FGF12: variants seen among roughly 807,000 people sequenced by gnomAD.
FGF12 encodes the protein fibroblast growth factor 12.
FGF12 carries 14 observed loss-of-function variants against 23.6 expected under a neutral mutation model. That is an observed-to-expected ratio of 0.59 (90% CI 0.39 to 0.93). The LOEUF is 0.93. Ranked by LOEUF, FGF12 falls within the 40% of genes least tolerant of loss-of-function variation. The probability of loss-of-function intolerance (pLI) is 0.00; values close to 1 mark genes in which losing one functional copy is unlikely to be tolerated. For missense variants in FGF12, 175 were observed against 217.8 expected, an observed-to-expected ratio of 0.80 and a Z score of 1.24; for synonymous variants, 62 against 77.3, an observed-to-expected ratio of 0.80 and a Z score of 1.04.
At chr3:192,317,571 TAGAACACCAGCAAG>T (rs1716295731) in intron 4 of FGF12, among the ~76,000 whole-genome samples, 1 of 139,632 alleles carries the variant, frequency 7.2e-6, no homozygotes, top group African/African-American at 3.4e-5. Context: ...CACAGTAGAA[TAGAACACCAGCAAG>T]ATTCATAAGG....
intron 2 of FGF12, among the ~76,000 whole-genome samples, chr3:192,621,635 G>C (rs1282637035): frequency 7.1e-6 from 1 of 140,086 alleles, no homozygotes; most frequent in Non-Finnish European, 1.5e-5. Flanking sequence ...TTTTGTTTAG[G>C]GAAGTAGCAG....
chr3:192,713,963 A>G (rs1216362654), intron 2 of FGF12, among the ~76,000 whole-genome samples: 2 of 152,200 alleles, frequency 1.3e-5, no homozygotes, highest in Non-Finnish European at 2.9e-5. Context: ...ATTTCATTTA[A>G]ACAATTAAGC....
At chr3:192,289,790 G>C (rs1185898055) in intron 4 of FGF12, among the ~76,000 whole-genome samples, 1 of 152,180 alleles carries the variant, frequency 6.6e-6, no homozygotes, top group African/African-American at 2.4e-5. Context: ...ATAAATGCCA[G>C]TTCTCTCTTT....
intron 2 of FGF12, among the ~76,000 whole-genome samples, chr3:192,377,031 A>G (rs1719547913): frequency 6.6e-6 from 1 of 152,208 alleles, no homozygotes; most frequent in Non-Finnish European, 1.5e-5. Context: ...CTGGAATTCC[A>G]ACTTAACAAG....
At chr3:192,434,378 T>C (rs73195313) in intron 2 of FGF12, among the ~76,000 whole-genome samples, 11,394 of 152,250 alleles carry the variant, frequency 0.075, 475 homozygotes, top group African/African-American at 0.11. Flanking sequence ...GTTACATAAC[T>C]TCCCAGTCTC....
At chr3:192,531,238 G>A (rs958708987) in intron 2 of FGF12, among the ~76,000 whole-genome samples, 2 of 152,104 alleles carry the variant, frequency 1.3e-5, no homozygotes, top group African/African-American at 4.8e-5. Context: ...ACTCCACATT[G>A]TAGAGATTAT....
At chr3:192,421,773 A>G (rs1474888202) in intron 2 of FGF12, among the ~76,000 whole-genome samples, 1 of 152,062 alleles carries the variant, frequency 6.6e-6, no homozygotes, top group Non-Finnish European at 1.5e-5. Context: ...TACCTATGTA[A>G]CAAACCTGCA....
intron 2 of FGF12, among the ~76,000 whole-genome samples, chr3:192,636,008 C>G (rs1050019049): frequency 1.3e-5 from 2 of 152,194 alleles, no homozygotes; most frequent in African/African-American, 4.8e-5. Context: ...CCAATTGACA[C>G]TAGCTACCCG....
At chr3:192,531,973 C>T (rs1257246686) in intron 2 of FGF12, among the ~76,000 whole-genome samples, 3 of 152,140 alleles carry the variant, frequency 2.0e-5, no homozygotes, top group Non-Finnish European at 2.9e-5. Context: ...ATGTAGCTTG[C>T]TAGTTTTCCC....
intron 4 of FGF12, among the ~76,000 whole-genome samples, chr3:192,284,256 G>A (rs372477943): frequency 5.3e-5 from 8 of 152,042 alleles, no homozygotes; most frequent in African/African-American, 1.7e-4. Context: ...TGGAATATTC[G>A]CATTTTACCT....
At chr3:192,358,241 A>G (rs1718563468) in intron 3 of FGF12, among the ~76,000 whole-genome samples, 1 of 152,106 alleles carries the variant, frequency 6.6e-6, no homozygotes, top group African/African-American at 2.4e-5. Flanking sequence ...GGAAAACACA[A>G]CAAGAAGGTT....
chr3:192,722,707 A>T (rs918919566), intron 2 of FGF12, among the ~76,000 whole-genome samples: 1 of 152,188 alleles, frequency 6.6e-6, no homozygotes, highest in Non-Finnish European at 1.5e-5. Flanking sequence ...AACGCATATA[A>T]TTCGAATCCC....
At chr3:192,364,813 A>G (rs1235560201) in intron 2 of FGF12, among the ~76,000 whole-genome samples, 2 of 152,172 alleles carry the variant, frequency 1.3e-5, no homozygotes, top group Non-Finnish European at 2.9e-5. Flanking sequence ...TGGGCTTTGG[A>G]CTTCCTTCCA....
intron 4 of FGF12, among the ~76,000 whole-genome samples, chr3:192,215,303 A>C (rs1015754801): frequency 7.2e-5 from 11 of 152,174 alleles, no homozygotes; most frequent in African/African-American, 2.7e-4. Context: ...TTTCTGAGCC[A>C]ATGAAGAAGG....
chr3:192,338,243 C>T (rs780936504), intron 3 of FGF12, among the ~76,000 whole-genome samples: 5 of 152,076 alleles, frequency 3.3e-5, no homozygotes, highest in Non-Finnish European at 5.9e-5. Flanking sequence ...GCCACCACAA[C>T]CCAGCTAATT....
intron 4 of FGF12, among the ~76,000 whole-genome samples, chr3:192,260,022 G>A (rs951369929): frequency 6.6e-6 from 1 of 152,052 alleles, no homozygotes; most frequent in Admixed American, 6.6e-5. Context: ...CTTAGCCTAA[G>A]TTTATAATTT....
intron 2 of FGF12, among the ~76,000 whole-genome samples, chr3:192,703,482 T>A (rs1472466555): frequency 1.3e-5 from 2 of 152,194 alleles, no homozygotes; most frequent in Non-Finnish European, 2.9e-5. Context: ...TGCTGAAGAT[T>A]GGGATGGCTT....
At chr3:192,338,304 C>G (rs1456035723) in intron 3 of FGF12, among the ~76,000 whole-genome samples, 2 of 152,036 alleles carry the variant, frequency 1.3e-5, no homozygotes, top group Non-Finnish European at 2.9e-5. Context: ...AGGCTGGTCT[C>G]GAACTCCTGA....
intron 4 of FGF12, among the ~76,000 whole-genome samples, chr3:192,195,369 C>A (rs1278161432): frequency 6.6e-6 from 1 of 152,180 alleles, no homozygotes; most frequent in Non-Finnish European, 1.5e-5. Context: ...CAGTCATGCA[C>A]CTCAAAACAT....
Sources: gnomAD v4.1 joint callset for allele counts (sites outside exome capture counted in the v4.1 genomes callset) on GRCh38, gnomAD v4.1.1 for gene constraint, MANE v1.5 for transcripts, NCBI Gene and HGNC (gene_info 2026-07-23, HGNC 2026-07-21) for gene names.